The following FOXN2 variants were observed in gnomAD, a reference collection of about 807,000 sequenced individuals.
The protein encoded by FOXN2 is forkhead box N2, also known as forkhead box protein N2.
Under a neutral mutation model 41.2 loss-of-function variants are expected in FOXN2, and 19 were observed. The ratio of observed to expected loss-of-function variants is 0.46; its 90% CI spans 0.32 to 0.68. FOXN2 has a LOEUF of 0.68. Ranked by LOEUF, FOXN2 falls within the 30% of genes least tolerant of loss-of-function variation. The pLI is 0.03. For missense variants in FOXN2, 587 were observed against 509.4 expected (o/e 1.15, Z -1.47); for synonymous variants, 195 against 176.8 (o/e 1.10, Z -0.82).
In FOXN2 at chr2:48,362,711, T is replaced by A. The variant is rs764974647; in HGVS notation, c.703+4T>A. The A allele has an allele frequency of 6.2e-7, 1 of 1,610,560 alleles. No individual in the cohort carries two copies. Among genetic ancestry groups the A allele is most frequent in the Non-Finnish European group, 8.5e-7 (1 of 1,176,790 alleles). On this transcript the variant is annotated splice_donor_region_variant and intron_variant, in intron 5 of 6. Coordinates refer to ENST00000340553, the MANE Select transcript of FOXN2 (RefSeq NM_002158.4). ...AACCAGGTGCGAAACCTCAAAGGTATGTGTGAATATCAGTACAGTCATGCA... is the reference window on the plus strand; with the variant it reads ...AACCAGGTGCGAAACCTCAAAGGTAAGTGTGAATATCAGTACAGTCATGCA...
intron 5 of FOXN2, among the ~76,000 whole-genome samples, chr2:48,366,848 G>A (rs1672569237): frequency 6.6e-6 from 1 of 151,384 alleles, no homozygotes; most frequent in Admixed American, 6.6e-5. Flanking sequence ...AGTGGCACTG[G>A]GAGACCTGCT....
rs539153242 is a variant in FOXN2, at chr2:48,362,570, C to A, written c.639-73C>A. 1.4e-4 allele frequency: 190 copies of A among 1,336,590 alleles called. 3 individuals carry two copies. In the South Asian group the frequency reaches 2.1e-3, roughly 15 times the overall value. The allele number at this position is 1,336,590 out of a possible 1,614,324, so 82.8% of individuals were successfully genotyped here. On this transcript the variant is annotated intron_variant, in intron 4 of 6. Transcript: ENST00000340553. ...GGCGGCCAGCAGAGTGAGAGAGAACCTGTCAAAAATTAGGGGGAAAAAGTG... is the reference window on the plus strand; with the variant it reads ...GGCGGCCAGCAGAGTGAGAGAGAACATGTCAAAAATTAGGGGGAAAAAGTG...
At chr2:48,353,907 C>T (rs2104423161) in intron 3 of FOXN2, among the ~76,000 whole-genome samples, 1 of 151,966 alleles carries the variant, frequency 6.6e-6, no homozygotes, top group South Asian at 2.1e-4. Context: ...TTTAAATTTA[C>T]CCTTATAGTT....
At chr2:48,315,508 C>T (rs1442256699) in intron 1 of FOXN2, among the ~76,000 whole-genome samples, 1 of 152,212 alleles carries the variant, frequency 6.6e-6, no homozygotes, top group Non-Finnish European at 1.5e-5. Context: ...AATATGGACA[C>T]TTCCTGTTCG....
intron 3 of FOXN2, among the ~76,000 whole-genome samples, chr2:48,349,725 C>T (rs545881601): frequency 1.9e-4 from 29 of 152,300 alleles, no homozygotes; most frequent in African/African-American, 6.7e-4. Flanking sequence ...CGTGCCATTG[C>T]ACTCCAACCT....
intron 5 of FOXN2, among the ~76,000 whole-genome samples, chr2:48,371,827 T>G (rs183191321): frequency 6.6e-6 from 1 of 152,330 alleles, no homozygotes; most frequent in African/African-American, 2.4e-5. Flanking sequence ...CTTGATTTCT[T>G]TTTCAGCTAG....
At position 48,378,494 on chromosome 2, in the gene FOXN2, G is replaced by T. The variant is rs1673381149; in HGVS notation, c.*3051G>T. On this transcript the variant is annotated 3_prime_UTR_variant, in exon 7 of 7. Coordinates refer to ENST00000340553, the MANE Select transcript of FOXN2 (RefSeq NM_002158.4). ...CAAACTAGAGAATGTGTTAAGGAGG[G>T]AATGTATATGTCTTGGTAGACCAGG... 1 of 151,320 alleles carries T rather than the reference G, an allele frequency of 6.6e-6. No individual in the cohort carries two copies. The highest frequency in any genetic ancestry group is 6.7e-5 in the Admixed American group (1 of 14,962). The allele number at this position is 151,320 out of a possible 1,614,324, so 9.4% of individuals were successfully genotyped here.
At chr2:48,372,034 C>G (rs1206706387) in intron 5 of FOXN2, among the ~76,000 whole-genome samples, 2 of 152,044 alleles carry the variant, frequency 1.3e-5, no homozygotes, top group Non-Finnish European at 2.9e-5. Flanking sequence ...TTTCTCTTAC[C>G]TAATTGCTCT....
chr2:48,331,168 A>T (rs1028457675), intron 2 of FOXN2, among the ~76,000 whole-genome samples: 13 of 152,318 alleles, frequency 8.5e-5, no homozygotes, highest in African/African-American at 2.9e-4. Context: ...TAATTTGCCT[A>T]AGTTTGCTTT....
chr2:48,332,941 C>G (rs1373694902), intron 2 of FOXN2, among the ~76,000 whole-genome samples: 1 of 152,148 alleles, frequency 6.6e-6, no homozygotes, highest in Non-Finnish European at 1.5e-5. Flanking sequence ...TCCTTTGGTT[C>G]ACTGTCTCCA....
At position 48,346,535 on chromosome 2, in the gene FOXN2, A is replaced by G. The variant is rs141843958; in HGVS notation, c.321A>G (p.Lys107=). ...CTTGCTACCAGAACCCAGAAAAAAAATCAGCGACTTCAAAGCCCCCATACT... is the reference window on the plus strand; with the variant it reads ...CTTGCTACCAGAACCCAGAAAAAAAGTCAGCGACTTCAAAGCCCCCATACT... ...GPACYQNPEK[K]SATSKPPYSF... The change falls in exon 3 of 7, where the codon AAA becomes AAG. Residue 107 remains lysine, a synonymous_variant. Transcript: ENST00000340553. 2.8e-4 allele frequency: 450 copies of G among 1,613,538 alleles called. 2 individuals are homozygous for G. In the African/African-American group the frequency reaches 5.1e-3, roughly 18 times the overall value.
At chr2:48,326,198 T>C (rs965015486) in intron 1 of FOXN2, among the ~76,000 whole-genome samples, 2 of 152,132 alleles carry the variant, frequency 1.3e-5, no homozygotes, top group African/African-American at 4.8e-5. Context: ...AAATAGCAGT[T>C]AGCCAGGGTT....
rs541073552 is a variant in FOXN2 at position 48,377,681 on chromosome 2, A to G, written c.*2238A>G. On this transcript the variant is annotated 3_prime_UTR_variant, in exon 7 of 7. Coordinates refer to ENST00000340553, the MANE Select transcript of FOXN2 (RefSeq NM_002158.4). ...ATATTCATCACTAGCAAGGATGATA[A>G]ACACTTGTGCACTGAAAGCTAACAG... The G allele has an allele frequency of 6.6e-6, 1 of 152,206 alleles. No individual in the cohort carries two copies. The highest frequency in any genetic ancestry group is 2.1e-4 in the South Asian group (1 of 4,832). 9.4% of individuals were successfully genotyped at this position (152,206 alleles called of 1,614,324 possible).
At chr2:48,349,790 G>T (rs757974046) in intron 3 of FOXN2, among the ~76,000 whole-genome samples, 10 of 152,148 alleles carry the variant, frequency 6.6e-5, no homozygotes, top group African/African-American at 9.7e-5. Flanking sequence ...ATGTGACAGG[G>T]TCCATCCTGT....
chr2:48,314,100 C>CT (rs1416673723), upstream of FOXN2, among the ~76,000 whole-genome samples: 1 of 152,238 alleles, frequency 6.6e-6, no homozygotes, highest in East Asian at 1.9e-4. Flanking sequence ...CTTTAAGTTA[C>CT]AGCAATGCTT....
intron 5 of FOXN2, among the ~76,000 whole-genome samples, chr2:48,367,989 C>T (rs1026928649): frequency 7.2e-5 from 11 of 152,126 alleles, no homozygotes; most frequent in Non-Finnish European, 4.4e-5. Context: ...ATTGCAGACG[C>T]GTATGACCTC....
intron 2 of FOXN2, among the ~76,000 whole-genome samples, chr2:48,343,714 T>C (rs747737775): frequency 2.0e-5 from 3 of 151,538 alleles, no homozygotes; most frequent in Non-Finnish European, 4.4e-5. Flanking sequence ...AACCATGATA[T>C]CGCCACTGTA....
At chr2:48,335,958 G>A (rs184954506) in intron 2 of FOXN2, among the ~76,000 whole-genome samples, 3 of 151,862 alleles carry the variant, frequency 2.0e-5, no homozygotes, top group Middle Eastern at 6.8e-3. Flanking sequence ...AACCCAGGGG[G>A]CAGAGCTTGC....
chr2:48,346,189 C>A lies in FOXN2; in HGVS notation c.-14-12C>A. On this transcript the variant is annotated splice_polypyrimidine_tract_variant and intron_variant, in intron 2 of 6. Coordinates refer to ENST00000340553, the MANE Select transcript of FOXN2 (RefSeq NM_002158.4). ...TAAAGTATTACATTGATAATTGTTT[C>A]CTTTGTTGCAGAACTGTAAGAGTAA... The A allele has an allele frequency of 6.4e-7, 1 of 1,550,820 alleles. No homozygotes were observed. Among genetic ancestry groups the A allele is most frequent in the South Asian group, 1.2e-5 (1 of 81,720 alleles).
Sources: gnomAD v4.1 joint callset for allele counts (sites outside exome capture counted in the v4.1 genomes callset) on GRCh38, gnomAD v4.1.1 for gene constraint, MANE v1.5 for transcripts, NCBI Gene and HGNC (gene_info 2026-07-23, HGNC 2026-07-21) for gene names.